URM1: variants seen among roughly 807,000 people sequenced by gnomAD.
URM1 encodes the protein ubiquitin-related modifier 1.
URM1 carries 11 observed loss-of-function variants against 17.7 expected under a neutral mutation model. That is an observed-to-expected ratio of 0.62 (90% confidence interval 0.39 to 1.03). URM1 has a LOEUF of 1.03. Among genes scored for constraint, URM1 ranks in the 50% least tolerant of loss-of-function variants. The probability of loss-of-function intolerance (pLI) is 0.00; values close to 1 mark genes in which losing one functional copy is unlikely to be tolerated. For missense variants in URM1, 128 were observed against 129.2 expected (o/e 0.99, Z 0.04); for synonymous variants, 48 against 50.6 (o/e 0.95, Z 0.22).
At chr9:128,372,970 G>A (rs371354946) in intron 1 of URM1, among the ~76,000 whole-genome samples, 3 of 151,940 alleles carry the variant, frequency 2.0e-5, no homozygotes, top group Non-Finnish European at 4.4e-5. Flanking sequence ...TCATGAGTCA[G>A]ACATGGTCTT....
chr9:128,389,370 C>G (rs765884565), intron 4 of URM1, 61 bp downstream of exon 4: 1 of 1,613,722 alleles, frequency 6.2e-7, no homozygotes, highest in Non-Finnish European at 8.5e-7. Flanking sequence ...AGTGGGAAAG[C>G]GTTGGGCCTC....
chr9:128,382,280 C>G (rs1185525138), intron 2 of URM1, among the ~76,000 whole-genome samples: 2 of 152,032 alleles, frequency 1.3e-5, no homozygotes, highest in African/African-American at 2.4e-5. Context: ...CCTAGGTCAC[C>G]AACAGAGCTG....
In URM1 at chr9:128,389,438, G is replaced by A. The variant is rs1279162119; in HGVS notation, c.237+129G>A. On this transcript the variant is annotated intron_variant, in intron 4 of 4. Transcript: ENST00000372853. Reference sequence around the variant, plus strand: ...CTCCGCCCCACTCCAGCCCCACACTGAGGCTGCTGGAGTCTCCCACTCCAG... The same window carrying A: ...CTCCGCCCCACTCCAGCCCCACACTAAGGCTGCTGGAGTCTCCCACTCCAG... 4.4e-6 allele frequency: 7 copies of A among 1,582,514 alleles called. No homozygotes were observed. The East Asian group carries it at 1.2e-4, about 26-fold the overall frequency.
At chr9:128,379,804 A>AAAAT (rs1554803284) in intron 2 of URM1, among the ~76,000 whole-genome samples, 3 of 151,220 alleles carry the variant, frequency 2.0e-5, no homozygotes, top group African/African-American at 4.9e-5. Flanking sequence ...CATCTCAAAA[A>AAAAT]AAAATAAAAT....
At chr9:128,378,576 G>A (rs1588580699) in intron 2 of URM1, among the ~76,000 whole-genome samples, 1 of 119,026 alleles carries the variant, frequency 8.4e-6, no homozygotes, top group Admixed American at 8.7e-5. Context: ...AAAAAAACTT[G>A]TTAATCTTTC....
At chr9:128,385,046 G>A (rs1464963321) in intron 2 of URM1, among the ~76,000 whole-genome samples, 1 of 152,220 alleles carries the variant, frequency 6.6e-6, no homozygotes, top group African/African-American at 2.4e-5. Context: ...TTCCCAGGAA[G>A]CACATACCTG....
At chr9:128,378,818 G>A (rs1002228401) in intron 2 of URM1, among the ~76,000 whole-genome samples, 3 of 151,492 alleles carry the variant, frequency 2.0e-5, no homozygotes, top group Non-Finnish European at 2.9e-5. Flanking sequence ...ATAGCGGTGC[G>A]CGCTTGTAAT....
At chr9:128,384,150 G>A (rs1037611047) in intron 2 of URM1, among the ~76,000 whole-genome samples, 4 of 152,212 alleles carry the variant, frequency 2.6e-5, no homozygotes, top group Non-Finnish European at 4.4e-5. Flanking sequence ...TCCTAGCTAA[G>A]GCCATCGAGC....
chr9:128,371,547 C>T, intron 1 of URM1, 132 bp downstream of exon 1: 1 of 886,462 alleles, frequency 1.1e-6, no homozygotes, highest in Non-Finnish European at 1.7e-6. Context: ...CTACGCTACC[C>T]GCCTAGGAGA....
In URM1 at chr9:128,387,911, C is replaced by T. The variant is rs1228826934; in HGVS notation, c.188+14C>T. ...GGGAGACAGCGTGTGAGTCCCACTCCTCCCTTCCCTGAAGCAGGTGGAGGG... is the reference window on the plus strand; with the variant it reads ...GGGAGACAGCGTGTGAGTCCCACTCTTCCCTTCCCTGAAGCAGGTGGAGGG... On this transcript the variant is annotated intron_variant, in intron 3 of 4. Coordinates refer to ENST00000372853, the MANE Select transcript of URM1 (RefSeq NM_030914.4). This position sits in a 1 kb window ranked among gnomAD's most constrained non-coding sequence, Gnocchi z 4.3. 2.5e-6 allele frequency: 4 copies of T among 1,613,828 alleles called. No individual in the cohort carries two copies. Among genetic ancestry groups the T allele is most frequent in the African/African-American group, 1.3e-5 (1 of 74,912 alleles).
chr9:128,380,814 T>G (rs893728241), intron 2 of URM1, among the ~76,000 whole-genome samples: 5 of 151,702 alleles, frequency 3.3e-5, no homozygotes, highest in Non-Finnish European at 5.9e-5. Flanking sequence ...TTGTGTATGT[T>G]TTTTTTTGTT....
chr9:128,391,104 T>C lies in URM1; in HGVS notation c.*1370T>C, dbSNP rs2131304203. On this transcript the variant is annotated 3_prime_UTR_variant, in exon 5 of 5. Coordinates refer to ENST00000372853, the MANE Select transcript of URM1 (RefSeq NM_030914.4). Reference sequence around the variant, plus strand: ...TTCCATGACCTAGAGAAAAGAGCTTTGCTGGAGGGAGACCCCCAAAAAGAA... The same window carrying C: ...TTCCATGACCTAGAGAAAAGAGCTTCGCTGGAGGGAGACCCCCAAAAAGAA... 6.6e-6 allele frequency: 1 copy of C among 152,350 alleles called. No homozygotes were observed. Among genetic ancestry groups the C allele is most frequent in the Non-Finnish European group, 1.5e-5 (1 of 68,028 alleles). 9.4% of individuals were successfully genotyped at this position (152,350 alleles called of 1,614,324 possible). A position where few individuals can be genotyped will look rare whatever the true frequency, so the allele number is the denominator to read the frequency against.
chr9:128,380,856 GCT>G (rs1448550331), intron 2 of URM1, among the ~76,000 whole-genome samples: 1 of 151,844 alleles, frequency 6.6e-6, no homozygotes, highest in Non-Finnish European at 1.5e-5. Context: ...ACGTAGTCTC[GCT>G]CTGTTGCCCA....
At chr9:128,385,590 C>T (rs1442005174) in intron 2 of URM1, among the ~76,000 whole-genome samples, 1 of 152,178 alleles carries the variant, frequency 6.6e-6, no homozygotes, top group Non-Finnish European at 1.5e-5. Context: ...ATCCCCAAGC[C>T]ACCAGCCCCT....
At chr9:128,386,249 G>A (rs1484769924) in intron 2 of URM1, among the ~76,000 whole-genome samples, 5 of 152,188 alleles carry the variant, frequency 3.3e-5, no homozygotes, top group African/African-American at 9.6e-5. Context: ...AGATGTATGG[G>A]TTGGCGGCCC....
intron 2 of URM1, among the ~76,000 whole-genome samples, chr9:128,386,484 A>G (rs887627288): frequency 6.6e-6 from 1 of 152,250 alleles, no homozygotes; most frequent in African/African-American, 2.4e-5. Flanking sequence ...GTCCATGGAC[A>G]CTTTGCCCGT....
intron 2 of URM1, among the ~76,000 whole-genome samples, chr9:128,381,543 A>C (rs1233063671): frequency 6.6e-6 from 1 of 152,210 alleles, no homozygotes; most frequent in Non-Finnish European, 1.5e-5. Context: ...CTAAAAATAC[A>C]AAAATAGCTG....
chr9:128,372,196 G>A (rs141865364), intron 1 of URM1, among the ~76,000 whole-genome samples: 2 of 152,258 alleles, frequency 1.3e-5, no homozygotes, highest in African/African-American at 4.8e-5. Flanking sequence ...TAGAGAGAAG[G>A]CAAAGAAACA....
At chr9:128,374,874 G>A (rs1048158889) in intron 1 of URM1, among the ~76,000 whole-genome samples, 1 of 152,224 alleles carries the variant, frequency 6.6e-6, no homozygotes, top group African/African-American at 2.4e-5. Context: ...TCAGCTTCTG[G>A]ACTTGGCTCC....
Sources: gnomAD v4.1 joint callset for allele counts (sites outside exome capture counted in the v4.1 genomes callset) on GRCh38, gnomAD v4.1.1 for gene constraint, Gnocchi (gnomAD v3.1) non-coding constraint, MANE v1.5 for transcripts, NCBI Gene and HGNC (gene_info 2026-07-23, HGNC 2026-07-21) for gene names.